The following PALD1 variants were observed in gnomAD, a reference collection of about 807,000 sequenced individuals.
The protein encoded by PALD1 is phosphatase domain containing paladin 1.
A neutral mutation model predicts 96.0 loss-of-function variants in PALD1; 57 were observed. The observed-to-expected ratio is 0.59, with a 90% CI of 0.48 to 0.74. The LOEUF (loss-of-function observed/expected upper bound fraction) is 0.74, where lower values mean the gene tolerates loss of function less well. Among genes scored for constraint, PALD1 ranks in the 30% least tolerant of loss-of-function variants. The pLI is 0.00. For synonymous variants in PALD1, 464 were observed against 473.6 expected (o/e 0.98, Z 0.26); for missense variants, 1,063 against 1,143.7 (o/e 0.93, Z 1.02).
At chr10:70,529,632 A>G (rs1479963715) in intron 3 of PALD1, among the ~76,000 whole-genome samples, 1 of 152,022 alleles carries the variant, frequency 6.6e-6, no homozygotes, top group East Asian at 1.9e-4. Flanking sequence ...CACCTCCCAC[A>G]TGAAGCCCTC....
chr10:70,564,074 C>T (rs375446318), intron 18 of PALD1, among the ~76,000 whole-genome samples: 1 of 152,154 alleles, frequency 6.6e-6, no homozygotes, highest in African/African-American at 2.4e-5. Context: ...ATGAGCTCTC[C>T]TGCTGTCCCT....
At chr10:70,472,256 G>GTTAT in the PALD1 span, among the ~76,000 whole-genome samples, 214 of 152,182 alleles carry the variant, frequency 1.4e-3, 1 homozygote, top group Admixed American at 2.5e-3. Context: ...ACAGATCTGA[G>GTTAT]TTATTTATTT....
chr10:70,531,236 G>T, intron 4 of PALD1, 54 bp from the exon 5 acceptor site: 1 of 1,499,688 alleles, frequency 6.7e-7, no homozygotes, highest in South Asian at 1.2e-5. Flanking sequence ...CAGTGGTGCA[G>T]GTGTCTGTGC....
In PALD1 at chr10:70,533,967, C is replaced by G; in HGVS notation, c.916C>G (p.Pro306Ala). The G allele has an allele frequency of 6.2e-7, 1 of 1,613,264 alleles. No homozygotes were observed. The highest frequency in any genetic ancestry group is 8.5e-7 in the Non-Finnish European group (1 of 1,179,606). ...GCTCCGTGATGCCCACGGGCCTCCC[C>G]CAGCCCTCGTCTTCAGCTGCCAGAT... ...LQLRDAHGPP[P>A]ALVFSCQMGV... The change falls in exon 8 of 20, where the codon CCA (proline) becomes GCA (alanine). Residue 306 changes from proline (P) to alanine (A), a missense_variant. Pro to Ala is a conservative substitution (Grantham distance 27). Transcript: ENST00000263563.
intron 18 of PALD1, among the ~76,000 whole-genome samples, chr10:70,560,438 T>C (rs4747054): frequency 0.7 from 105,246 of 150,872 alleles, 36,501 homozygotes; most frequent in South Asian, 0.84. Flanking sequence ...AACAAACAAA[T>C]AAACAAACAA....
chr10:70,538,381 G>C lies in PALD1; in HGVS notation c.1425G>C (p.Pro475=). ...TGAGCTCAGCAGGCCCTGTGGCTCC[G>C]AGGGACCTCATCGCCAGGGGCTCCC... ...VTLSSAGPVA[P]RDLIARGSLR... Residue 475 remains proline (P), a synonymous_variant, in exon 12 of 20, where the codon CCG becomes CCC. Transcript: ENST00000263563. 6.2e-7 allele frequency: 1 copy of C among 1,611,630 alleles called. No homozygotes were observed. The highest frequency in any genetic ancestry group is 8.5e-7 in the Non-Finnish European group (1 of 1,179,976).
Position 70,537,670 on chromosome 10 carries a change from G to A in PALD1, c.1228-141G>A, listed in dbSNP as rs2132388423. The A allele has an allele frequency of 6.4e-6, 4 of 623,414 alleles. No individual in the cohort carries two copies. In the South Asian group the frequency reaches 7.7e-5, roughly 12 times the overall value. 38.6% of individuals were successfully genotyped at this position (623,414 alleles called of 1,614,324 possible). On this transcript the variant is annotated intron_variant, in intron 10 of 19. Coordinates refer to ENST00000263563, the MANE Select transcript of PALD1 (RefSeq NM_014431.3). ...GGTGAGACACTTAGAAGAACTTACA[G>A]CCTGGCAGAACTGTGTCATGAAGGG... is the stretch of plus-strand genomic sequence containing the variant.
chr10:70,562,225 C>T (rs536396598), intron 18 of PALD1, among the ~76,000 whole-genome samples: 1 of 152,240 alleles, frequency 6.6e-6, no homozygotes, highest in Non-Finnish European at 1.5e-5. Flanking sequence ...GTCCCCTCGC[C>T]CCTCTTGGGC....
At chr10:70,560,247 C>A (rs142372709) in intron 18 of PALD1, among the ~76,000 whole-genome samples, 1 of 152,038 alleles carries the variant, frequency 6.6e-6, no homozygotes, top group African/African-American at 2.4e-5. Context: ...CCCGACCAGG[C>A]AGGAGGAACA....
At chr10:70,515,751 G>A (rs1564692956) in intron 1 of PALD1, among the ~76,000 whole-genome samples, 2 of 152,140 alleles carry the variant, frequency 1.3e-5, no homozygotes, top group African/African-American at 4.8e-5. Context: ...TACAGTTGGG[G>A]AAACAGTTTG....
At chr10:70,549,177 G>A (rs1224841062) in intron 18 of PALD1, among the ~76,000 whole-genome samples, 12 of 152,184 alleles carry the variant, frequency 7.9e-5, no homozygotes, top group Admixed American at 7.9e-4. Flanking sequence ...ATTGGGTCCT[G>A]AGTCTCCTTT....
intron 2 of PALD1, among the ~76,000 whole-genome samples, chr10:70,528,748 A>T (rs1846925003): frequency 6.6e-6 from 1 of 152,168 alleles, no homozygotes; most frequent in Non-Finnish European, 1.5e-5. Context: ...CCAGGCTGGG[A>T]TGGCTGCTCC....
intron 1 of PALD1, among the ~76,000 whole-genome samples, chr10:70,512,932 T>A (rs745958559): frequency 4.6e-4 from 70 of 152,314 alleles, no homozygotes; most frequent in Admixed American, 2.1e-3. Context: ...TTGAAATTCA[T>A]TGATTTCAAA....
rs1846987480 is a variant in PALD1 at position 70,531,393 on chromosome 10, A to G, written c.572A>G (p.Asn191Ser). The G allele has an allele frequency of 6.2e-7, 1 of 1,613,784 alleles. No homozygotes were observed. Among genetic ancestry groups the G allele is most frequent in the Non-Finnish European group, 8.5e-7 (1 of 1,179,886 alleles). ...TPRDKQNLHE[N>S]LQGLGPGVRV... ...CGAGACAAGCAGAACCTTCATGAGA[A>G]CCTCCAGGGCCTTGGACCCGGGGTC... The change falls in exon 5 of 20, where the codon AAC becomes AGC. Residue 191 changes from asparagine to serine, a missense_variant. Coordinates refer to ENST00000263563, the MANE Select transcript of PALD1 (RefSeq NM_014431.3).
chr10:70,471,977 A>G, the PALD1 span, among the ~76,000 whole-genome samples: 1 of 152,200 alleles, frequency 6.6e-6, no homozygotes, highest in East Asian at 1.9e-4. Flanking sequence ...GAAGCTTCAC[A>G]GAGTCTGGGA....
At position 70,478,769 on chromosome 10, in the gene PALD1, C is replaced by T. The variant is rs943391732; in HGVS notation, c.-320C>T. 1 of 151,596 alleles carries T rather than the reference C, an allele frequency of 6.6e-6. No individual in the cohort carries two copies. Among genetic ancestry groups the T allele is most frequent in the African/African-American group, 2.4e-5 (1 of 41,362 alleles). 9.4% of individuals were successfully genotyped at this position (151,596 alleles called of 1,614,324 possible). A position where few individuals can be genotyped will look rare whatever the true frequency, so the allele number is the denominator to read the frequency against. ...CGGCCGGGTCGGGTCCGCCCCTCGG[C>T]GTTGGGTAGCGGGGCGCTGGGGAGC... On this transcript the variant is annotated 5_prime_UTR_variant, in exon 1 of 20. Coordinates refer to ENST00000263563, the MANE Select transcript of PALD1 (RefSeq NM_014431.3).
chr10:70,543,776 C>T (rs1046574866), intron 17 of PALD1, among the ~76,000 whole-genome samples: 33 of 152,142 alleles, frequency 2.2e-4, no homozygotes, highest in South Asian at 6.2e-4. Flanking sequence ...CTTCTTCACA[C>T]CAGGCCCCGT....
rs1450028329 is a variant in PALD1, at chr10:70,496,095, G to A, written c.-30+17036G>A. Reference sequence around the variant, plus strand: ...ACAAAGAAAATTTTAAAAAGGGGAAGAAATATCCCATTAGGGAGTATCAGG... The same window carrying A: ...ACAAAGAAAATTTTAAAAAGGGGAAAAAATATCCCATTAGGGAGTATCAGG... On this transcript the variant is annotated intron_variant, in intron 1 of 19. Coordinates refer to ENST00000263563, the MANE Select transcript of PALD1 (RefSeq NM_014431.3). Among the ~76,000 whole-genome samples, 3 of 151,298 alleles carry A rather than the reference G, an allele frequency of 2.0e-5. No homozygotes were observed. In the East Asian group the frequency reaches 5.9e-4, roughly 30 times the overall value.
chr10:70,556,032 A>G (rs1847602437), intron 18 of PALD1, among the ~76,000 whole-genome samples: 1 of 151,576 alleles, frequency 6.6e-6, no homozygotes, highest in African/African-American at 2.4e-5. Flanking sequence ...CCTGGCTGCC[A>G]AAGTTGTTCC....
Sources: allele counts gnomAD v4.1 joint callset (sites outside exome capture counted in the v4.1 genomes callset), GRCh38; gene constraint gnomAD v4.1.1; transcripts MANE v1.5; gene names NCBI Gene and HGNC (gene_info 2026-07-23, HGNC 2026-07-21).